Variants in GNG12 observed in about 807,000 individuals in gnomAD.
GNG12 encodes the protein guanine nucleotide-binding protein G(I)/G(S)/G(O) subunit gamma-12.
For synonymous variants in GNG12, 28 were observed against 29.7 expected (o/e 0.94, Z 0.19); for missense variants, 69 against 83.8 (o/e 0.82, Z 0.69).
At chr1:67,733,429 T>C (rs1487777353) in intron 2 of GNG12, among the ~76,000 whole-genome samples, 2 of 152,194 alleles carry the variant, frequency 1.3e-5, no homozygotes, top group East Asian at 1.9e-4. Flanking sequence ...TATACAATCA[T>C]ATACACGTGC....
chr1:67,820,769 G>A (rs902511933), intron 1 of GNG12, among the ~76,000 whole-genome samples: 5 of 152,190 alleles, frequency 3.3e-5, no homozygotes, highest in Admixed American at 6.5e-5. Flanking sequence ...TATAAGGAGT[G>A]AGAAAGTGTA....
At chr1:67,738,787 G>A (rs1293431376) in intron 2 of GNG12, among the ~76,000 whole-genome samples, 1 of 152,216 alleles carries the variant, frequency 6.6e-6, no homozygotes, top group Non-Finnish European at 1.5e-5. Flanking sequence ...CTGGGGGCAT[G>A]AGGATTGCTT....
rs577661000 is a variant in GNG12 at position 67,785,586 on chromosome 1, C to T, written c.-76-8079G>A. Among the ~76,000 whole-genome samples, 179 of 152,154 alleles carry T rather than the reference C, an allele frequency of 1.2e-3. 2 individuals are homozygous for T. The highest frequency in any genetic ancestry group is 4.1e-3 in the African/African-American group (172 of 41,508). ...ATCTTTCTCTGCATGGAGGAGCACT[C>T]GTTCGATGTTTTACAGAGATATGGG... On this transcript the variant is annotated intron_variant, in intron 1 of 3. Transcript: ENST00000370982.
chr1:67,809,982 T>C (rs1646914458), intron 1 of GNG12, among the ~76,000 whole-genome samples: 1 of 152,220 alleles, frequency 6.6e-6, no homozygotes, highest in South Asian at 2.1e-4. Context: ...TGTTTACAGC[T>C]TTGTACATAA....
intron 1 of GNG12, among the ~76,000 whole-genome samples, chr1:67,813,615 A>G (rs757551912): frequency 3.9e-5 from 6 of 152,202 alleles, no homozygotes; most frequent in Non-Finnish European, 7.3e-5. Flanking sequence ...TAAAATGTTA[A>G]GTTTTTAAAA....
At chr1:67,806,948 T>A (rs1254909496) in intron 1 of GNG12, among the ~76,000 whole-genome samples, 1 of 152,178 alleles carries the variant, frequency 6.6e-6, no homozygotes, top group African/African-American at 2.4e-5. Context: ...AATTGACTTC[T>A]ATAGACTACT....
At chr1:67,765,599 AT>A (rs1229114750) in intron 2 of GNG12, among the ~76,000 whole-genome samples, 28 of 152,356 alleles carry the variant, frequency 1.8e-4, no homozygotes, top group African/African-American at 5.8e-4. Flanking sequence ...AAAGGTTTGT[AT>A]ATTTCAACCC....
chr1:67,737,274 G>A (rs761722486), intron 2 of GNG12, among the ~76,000 whole-genome samples: 2 of 152,136 alleles, frequency 1.3e-5, no homozygotes, highest in African/African-American at 2.4e-5. Context: ...ACTAGCTAAA[G>A]CAAAGTCTAA....
intron 2 of GNG12, among the ~76,000 whole-genome samples, chr1:67,719,529 A>G (rs1387900387): frequency 6.6e-6 from 1 of 152,202 alleles, no homozygotes; most frequent in Non-Finnish European, 1.5e-5. Context: ...AAAAAGGTCT[A>G]TAACACCATT....
At chr1:67,797,345 G>T (rs1362664597) in intron 1 of GNG12, among the ~76,000 whole-genome samples, 2 of 152,136 alleles carry the variant, frequency 1.3e-5, no homozygotes, top group Non-Finnish European at 2.9e-5. Context: ...GAAAGGCAGA[G>T]ACCCCCTGCC....
chr1:67,809,172 T>C (rs1042462679), intron 1 of GNG12, among the ~76,000 whole-genome samples: 4 of 152,060 alleles, frequency 2.6e-5, no homozygotes, highest in Non-Finnish European at 1.5e-5. Flanking sequence ...GGTAATACAG[T>C]GGAGCAAAAA....
chr1:67,772,051 A>G (rs759480954), intron 2 of GNG12, among the ~76,000 whole-genome samples: 2 of 152,210 alleles, frequency 1.3e-5, no homozygotes, highest in Non-Finnish European at 2.9e-5. Context: ...AGCCAAGTCT[A>G]AAACAATTAG....
At chr1:67,752,544 T>C (rs1047237129) in intron 2 of GNG12, among the ~76,000 whole-genome samples, 6 of 152,188 alleles carry the variant, frequency 3.9e-5, no homozygotes, top group Admixed American at 2.0e-4. Context: ...GCACTCACGG[T>C]AGACATCCCT....
At chr1:67,748,975 TCTC>T (rs1448306903) in intron 2 of GNG12, among the ~76,000 whole-genome samples, 3 of 143,080 alleles carry the variant, frequency 2.1e-5, no homozygotes, top group African/African-American at 8.3e-5. Context: ...CCTTACAAAC[TCTC>T]CTTAAAAAAA....
At chr1:67,765,227 A>C (rs1461808215) in intron 2 of GNG12, among the ~76,000 whole-genome samples, 1 of 152,188 alleles carries the variant, frequency 6.6e-6, no homozygotes, top group Non-Finnish European at 1.5e-5. Flanking sequence ...TAGGCGATTA[A>C]GCTGATGCAC....
chr1:67,756,403 T>C (rs1208226782), intron 2 of GNG12, among the ~76,000 whole-genome samples: 7 of 152,238 alleles, frequency 4.6e-5, no homozygotes, highest in East Asian at 3.8e-4. Context: ...CAGTAATTCA[T>C]TGTGGAATAC....
chr1:67,824,007 T>C (rs145747537), intron 1 of GNG12, among the ~76,000 whole-genome samples: 14 of 152,250 alleles, frequency 9.2e-5, no homozygotes, highest in African/African-American at 2.6e-4. Flanking sequence ...GTCTAAAACA[T>C]ACCACTAATT....
chr1:67,747,062 T>C (rs1646511812), intron 2 of GNG12, among the ~76,000 whole-genome samples: 1 of 152,212 alleles, frequency 6.6e-6, no homozygotes, highest in Non-Finnish European at 1.5e-5. Context: ...ATCCAACTTT[T>C]ATGCACACAA....
chr1:67,752,073 T>C (rs1557605258), intron 2 of GNG12, among the ~76,000 whole-genome samples: 1 of 152,224 alleles, frequency 6.6e-6, no homozygotes, highest in African/African-American at 2.4e-5. Context: ...AGTTACTCAA[T>C]GTGGCCCATC....
Sources: gnomAD v4.1 joint callset for allele counts (sites outside exome capture counted in the v4.1 genomes callset) on GRCh38, gnomAD v4.1.1 for gene constraint, MANE v1.5 for transcripts, NCBI Gene and HGNC (gene_info 2026-07-23, HGNC 2026-07-21) for gene names.